UTY: variants seen among roughly 807,000 people sequenced by gnomAD.
UTY encodes histone demethylase UTY.
A neutral mutation model predicts 32.5 loss-of-function variants in UTY; 12 were observed. The observed-to-expected ratio is 0.37, with a 90% confidence interval of 0.24 to 0.60. The LOEUF is 0.60. Ranked by LOEUF, UTY falls within the 20% of genes least tolerant of loss-of-function variation. UTY has a pLI of 0.69. For missense variants in UTY, 303 were observed against 299.2 expected (o/e 1.01, Z -0.09); for synonymous variants, 131 against 103.4 (o/e 1.27, Z -1.62).
chrY:13,283,941 C>T, intron 27 of UTY, among the ~76,000 whole-genome samples: 2 of 32,770 alleles, frequency 6.1e-5, no homozygotes, highest in African/African-American at 2.4e-4. Context: ...TGGCCTTAGA[C>T]AGTCTAGTCC....
chrY:13,243,540 A>C, downstream of UTY, among the ~76,000 whole-genome samples: 1 of 33,299 alleles, frequency 3.0e-5, no homozygotes. Flanking sequence ...AGAAGGGGAA[A>C]AAATATTTGC....
chrY:13,411,320 A>G, intron 5 of UTY, among the ~76,000 whole-genome samples: 1 of 33,811 alleles, frequency 3.0e-5, no homozygotes, highest in African/African-American at 1.2e-4. Context: ...AAAAATATCT[A>G]AAGGTTCAAG....
intron 10 of UTY, among the ~76,000 whole-genome samples, chrY:13,365,864 A>T (rs769313908): frequency 1.3e-3 from 42 of 32,844 alleles, no homozygotes; most frequent in East Asian, 2.4e-3. Context: ...TTAATTAATT[A>T]ATTTATTTAT....
intron 17 of UTY, among the ~76,000 whole-genome samples, chrY:13,339,468 G>T (rs953287149): frequency 2.4e-4 from 8 of 33,650 alleles, no homozygotes; most frequent in Non-Finnish European, 3.7e-4. Flanking sequence ...GTCCCATAAG[G>T]ATGGAAAGGC....
intron 2 of UTY, chrY:13,476,155 A>G (rs1055982159): frequency 1.3e-5 from 2 of 148,710 alleles, no homozygotes; most frequent in African/African-American, 9.4e-5. Flanking sequence ...CCAACGTTGT[A>G]CCCAAATTTT....
chrY:13,306,346 C>T, intron 21 of UTY, 96 bp from the exon 22 acceptor site: 1 of 179,717 alleles, frequency 5.6e-6, no homozygotes, highest in Non-Finnish European at 9.4e-6. Context: ...GCAGTATTGA[C>T]TATTTTTGAG....
chrY:13,423,472 C>T, intron 4 of UTY, among the ~76,000 whole-genome samples: 1 of 33,428 alleles, frequency 3.0e-5, no homozygotes, highest in Admixed American at 2.7e-4. Context: ...GGAACTGGTA[C>T]TCCGGATTCT....
At chrY:13,435,840 G>A (rs2074491154) in intron 4 of UTY, among the ~76,000 whole-genome samples, 1 of 33,359 alleles carries the variant, frequency 3.0e-5, no homozygotes, top group Non-Finnish European at 7.4e-5. Flanking sequence ...CCCTGATAGC[G>A]CAGGAAGGAG....
downstream of UTY, among the ~76,000 whole-genome samples, chrY:13,246,578 G>A: frequency 3.1e-5 from 1 of 32,129 alleles, no homozygotes. Flanking sequence ...AAGCAGCCAA[G>A]GTTTATATTA....
At position 13,359,072 on chromosome Y, in the gene UTY, T is replaced by C; in HGVS notation, c.1320+16A>G. 2.5e-6 allele frequency: 1 copy of C among 393,326 alleles called. No homozygotes were observed. On this transcript the variant is annotated intron_variant, in intron 13 of 29. Coordinates refer to ENST00000545955, the MANE Select transcript of UTY (RefSeq NM_001258249.2). ...CTTAAAGCTGGGCACCTACAGAACATAACCCAACTTCTCACCTGCTGTGCT... is the reference window on the plus strand; with the variant it reads ...CTTAAAGCTGGGCACCTACAGAACACAACCCAACTTCTCACCTGCTGTGCT...
At chrY:13,311,350 CT>C (rs2059056301) in intron 21 of UTY, among the ~76,000 whole-genome samples, 3 of 32,837 alleles carry the variant, frequency 9.1e-5, no homozygotes, top group Non-Finnish European at 1.5e-4. Context: ...AATCCCAGCA[CT>C]TTGGGAGACC....
intron 27 of UTY, among the ~76,000 whole-genome samples, chrY:13,274,889 GATATA>G (rs2056587354): frequency 6.1e-5 from 2 of 32,738 alleles, no homozygotes; most frequent in African/African-American, 1.2e-4. Flanking sequence ...ATTTTATCTA[GATATA>G]ATATAATGTT....
intron 27 of UTY, among the ~76,000 whole-genome samples, chrY:13,283,181 G>A: frequency 5.9e-5 from 2 of 33,983 alleles, no homozygotes; most frequent in African/African-American, 1.2e-4. Context: ...CCATTCCATC[G>A]GAGTGGAAGC....
intron 3 of UTY, among the ~76,000 whole-genome samples, chrY:13,454,777 A>C: frequency 3.3e-5 from 1 of 30,416 alleles, no homozygotes; most frequent in East Asian, 8.6e-4. Context: ...GTCTCTACTA[A>C]AAATACAAAA....
chrY:13,409,750 T>C (rs2070633621), intron 6 of UTY, among the ~76,000 whole-genome samples: 1 of 33,396 alleles, frequency 3.0e-5, no homozygotes, highest in Non-Finnish European at 7.4e-5. Flanking sequence ...CTGTAGGCAC[T>C]GGAGACTAAG....
chrY:13,323,338 G>A, intron 21 of UTY: 3 of 106,411 alleles, frequency 2.8e-5, no homozygotes, highest in Non-Finnish European at 5.4e-5. Context: ...GGAGGCTGCA[G>A]TGAGCTGAGA....
intron 8 of UTY, among the ~76,000 whole-genome samples, chrY:13,386,507 A>C: frequency 3.0e-5 from 1 of 33,106 alleles, no homozygotes; most frequent in Non-Finnish European, 7.4e-5. Flanking sequence ...ATATTCTTTT[A>C]CATAAAAACT....
At chrY:13,352,303 C>T in intron 17 of UTY, among the ~76,000 whole-genome samples, 1 of 33,198 alleles carries the variant, frequency 3.0e-5, no homozygotes, top group African/African-American at 1.2e-4. Flanking sequence ...AGAAGTTCTA[C>T]TAGGGATTTT....
chrY:13,419,609 T>C, intron 4 of UTY, among the ~76,000 whole-genome samples: 17 of 33,669 alleles, frequency 5.0e-4, no homozygotes, highest in African/African-American at 2.0e-3. Flanking sequence ...TTTTATTTCA[T>C]TCTATTTTTT....
Sources: gnomAD v4.1 joint callset for allele counts (sites outside exome capture counted in the v4.1 genomes callset) on GRCh38, gnomAD v4.1.1 for gene constraint, MANE v1.5 for transcripts, NCBI Gene and HGNC (gene_info 2026-07-23, HGNC 2026-07-21) for gene names.